ADORA2B: variants seen among roughly 807,000 people sequenced by gnomAD.
The protein encoded by ADORA2B is adenosine A2b receptor, also known as adenosine receptor A2b.
A neutral mutation model predicts 20.8 loss-of-function variants in ADORA2B; 18 were observed. That is an observed-to-expected ratio of 0.87 (90% confidence interval 0.60 to 1.29). ADORA2B has a LOEUF of 1.29. Among genes scored for constraint, ADORA2B ranks in the 50% most tolerant of loss-of-function variants. The pLI is 0.00. For synonymous variants in ADORA2B, 179 were observed against 178.3 expected, an observed-to-expected ratio of 1.00 and a Z score of -0.03; for missense variants, 441 against 422.7, an observed-to-expected ratio of 1.04 and a Z score of -0.38.
intron 1 of ADORA2B, among the ~76,000 whole-genome samples, chr17:15,967,188 C>T (rs1016473376): frequency 1.3e-5 from 2 of 150,720 alleles, no homozygotes; most frequent in Non-Finnish European, 1.5e-5. Flanking sequence ...CCCAGGGGTT[C>T]GTTCCTTCCA....
At chr17:15,942,613 G>T (rs35160253), upstream of ADORA2B, among the ~76,000 whole-genome samples, 22,073 of 152,158 alleles carry the variant, frequency 0.15, 1,965 homozygotes, top group Non-Finnish European at 0.19. Flanking sequence ...CTAGAGCAGA[G>T]CCCAGGCCCA....
Position 15,974,964 on chromosome 17 carries a change from G to A in ADORA2B, c.621G>A (p.Leu207=), listed in dbSNP as rs1222938970. ...IMLVIYIKIF[L]VACRQLQRTE... ...TGGTGATCTACATTAAGATCTTCCT[G>A]GTGGCCTGCAGGCAGCTTCAGCGCA... Residue 207 remains leucine (L), a synonymous_variant, in exon 2 of 2, where the codon CTG becomes CTA. Coordinates refer to ENST00000304222, the MANE Select transcript of ADORA2B (RefSeq NM_000676.4). 1 of 1,614,000 alleles carries A rather than the reference G, an allele frequency of 6.2e-7. No homozygotes were observed. Among genetic ancestry groups the A allele is most frequent in the Non-Finnish European group, 8.5e-7 (1 of 1,180,044 alleles).
chr17:15,957,117 A>G (rs879757054), intron 1 of ADORA2B, among the ~76,000 whole-genome samples: 1 of 152,254 alleles, frequency 6.6e-6, no homozygotes, highest in Non-Finnish European at 1.5e-5. Context: ...TGACCAGGGC[A>G]GAGGCCATGG....
chr17:15,880,772 A>G, the ADORA2B span, among the ~76,000 whole-genome samples: 1 of 152,152 alleles, frequency 6.6e-6, no homozygotes, highest in Non-Finnish European at 1.5e-5. Context: ...ACGCTTCTGC[A>G]ACACTGAGCC....
At chr17:15,867,892 C>G in the ADORA2B span, among the ~76,000 whole-genome samples, 1 of 151,854 alleles carries the variant, frequency 6.6e-6, no homozygotes, top group Non-Finnish European at 1.5e-5. Flanking sequence ...TCATTGAGAA[C>G]GGGTCATGAT....
At chr17:15,892,324 C>T in the ADORA2B span, among the ~76,000 whole-genome samples, 13 of 152,252 alleles carry the variant, frequency 8.5e-5, no homozygotes, top group Non-Finnish European at 1.3e-4. Context: ...GGCACCACCA[C>T]GCCTGACTAA....
intron 1 of ADORA2B, among the ~76,000 whole-genome samples, chr17:15,954,106 G>A (rs144288776): frequency 0.015 from 2,209 of 152,142 alleles, 55 homozygotes; most frequent in African/African-American, 0.05. Context: ...AGCCTCCCGA[G>A]TAGCTGGGAT....
At chr17:15,943,904 C>T (rs1346547476), upstream of ADORA2B, among the ~76,000 whole-genome samples, 4 of 152,068 alleles carry the variant, frequency 2.6e-5, no homozygotes, top group African/African-American at 4.8e-5. Flanking sequence ...CAAAGGCTTT[C>T]GGGTGGTGAA....
the ADORA2B span, among the ~76,000 whole-genome samples, chr17:15,859,148 A>G: frequency 1.3e-5 from 2 of 152,180 alleles, no homozygotes; most frequent in Non-Finnish European, 2.9e-5. Context: ...GCCAAGATGC[A>G]TACTAAAGTT....
At chr17:15,928,823 G>C in the ADORA2B span, among the ~76,000 whole-genome samples, 1 of 152,116 alleles carries the variant, frequency 6.6e-6, no homozygotes, top group Non-Finnish European at 1.5e-5. Context: ...CAGAAGGACA[G>C]TGTGAGGAGG....
the ADORA2B span, among the ~76,000 whole-genome samples, chr17:15,881,850 A>G: frequency 1.3e-5 from 2 of 152,204 alleles, no homozygotes; most frequent in African/African-American, 4.8e-5. Flanking sequence ...GTCTTCCAGA[A>G]ACACAGCTGG....
intron 1 of ADORA2B, among the ~76,000 whole-genome samples, chr17:15,965,019 C>T (rs538281945): frequency 9.9e-5 from 15 of 152,230 alleles, no homozygotes; most frequent in African/African-American, 3.6e-4. Flanking sequence ...GAGATCGTGC[C>T]ACTGCGCTCC....
chr17:15,965,857 G>C (rs573322757), intron 1 of ADORA2B, among the ~76,000 whole-genome samples: 1 of 152,356 alleles, frequency 6.6e-6, no homozygotes. Flanking sequence ...TCTTTCATCT[G>C]CACTGTCTTG....
the ADORA2B span, among the ~76,000 whole-genome samples, chr17:15,936,132 C>T: frequency 6.6e-6 from 1 of 152,020 alleles, no homozygotes; most frequent in Non-Finnish European, 1.5e-5. Context: ...CCTTCTTGCC[C>T]CTTGGCTTAC....
the ADORA2B span, among the ~76,000 whole-genome samples, chr17:15,857,012 C>T: frequency 6.6e-6 from 1 of 152,228 alleles, no homozygotes; most frequent in African/African-American, 2.4e-5. Flanking sequence ...ATCACAGGCC[C>T]AGTGACCTAG....
At chr17:15,874,287 A>G in the ADORA2B span, among the ~76,000 whole-genome samples, 1 of 152,128 alleles carries the variant, frequency 6.6e-6, no homozygotes, top group South Asian at 2.1e-4. Context: ...GCAAAGGCAT[A>G]CAGAGTGGTA....
chr17:15,938,148 G>A, the ADORA2B span, among the ~76,000 whole-genome samples: 3 of 151,494 alleles, frequency 2.0e-5, no homozygotes, highest in East Asian at 3.9e-4. Context: ...AGTTCTGCCT[G>A]GCAACAGAGG....
At chr17:15,935,050 G>A in the ADORA2B span, among the ~76,000 whole-genome samples, 2 of 152,070 alleles carry the variant, frequency 1.3e-5, no homozygotes, top group African/African-American at 2.4e-5. Context: ...CAAACGATCC[G>A]CACACTCTGG....
intron 1 of ADORA2B, among the ~76,000 whole-genome samples, chr17:15,968,781 C>T (rs1970150854): frequency 6.6e-6 from 1 of 152,166 alleles, no homozygotes; most frequent in Non-Finnish European, 1.5e-5. Flanking sequence ...CAGCTCTCAC[C>T]TCAGGAGGCG....
Sources: allele counts gnomAD v4.1 joint callset (sites outside exome capture counted in the v4.1 genomes callset), GRCh38; gene constraint gnomAD v4.1.1; transcripts MANE v1.5; gene names NCBI Gene and HGNC (gene_info 2026-07-23, HGNC 2026-07-21).